The following PNPLA1 variants were observed in gnomAD, a reference collection of about 807,000 sequenced individuals.
PNPLA1 encodes the protein patatin like domain 1, omega-hydroxyceramide transacylase.
In PNPLA1, 36 loss-of-function variants were observed where a neutral mutation model predicts 51.7. The observed-to-expected ratio is 0.70, with a 90% confidence interval of 0.53 to 0.92. PNPLA1 has a LOEUF of 0.92. PNPLA1 is among the 40% of genes least tolerant of loss of function. PNPLA1 has a pLI of 0.00. For synonymous variants in PNPLA1, 293 were observed against 280.1 expected (o/e 1.05, Z -0.46); for missense variants, 658 against 682.5 (o/e 0.96, Z 0.40).
chr6:36,269,260 C>T (rs545880269), upstream of PNPLA1, among the ~76,000 whole-genome samples: 11 of 152,260 alleles, frequency 7.2e-5, no homozygotes, highest in South Asian at 6.2e-4. Flanking sequence ...TTGAGGGGAG[C>T]GGGAGACGCC....
rs757272683 is a variant in PNPLA1 at position 36,302,510 on chromosome 6, G to C, written c.1384+41G>C. 7.3e-6 allele frequency: 11 copies of C among 1,512,322 alleles called. No individual in the cohort carries two copies. In the Admixed American group the frequency reaches 1.8e-4, roughly 25 times the overall value. The allele number at this position is 1,512,322 out of a possible 1,614,324, so 93.7% of individuals were successfully genotyped here. ...GCTTGTTATGACTTTCTCATGCCTG[G>C]AGCCCCTTGGCAAGCGAGCAAGGAC... On this transcript the variant is annotated intron_variant, in intron 6 of 8. Transcript: ENST00000636260.
At chr6:36,255,795 C>T (rs1463175630) in intron 1 of PNPLA1, among the ~76,000 whole-genome samples, 1 of 151,956 alleles carries the variant, frequency 6.6e-6, no homozygotes, top group Non-Finnish European at 1.5e-5. Flanking sequence ...GTAGTTTTTT[C>T]TTTAATAACA....
rs142765731 is a variant in PNPLA1, at chr6:36,284,057, C to G, written c.206-7263C>G. ...TCTGCCTGTTTCACCTCAGGGTGATCAGTAAGAACCTGCAGTGGGATGTTG... is the reference window on the plus strand; with the variant it reads ...TCTGCCTGTTTCACCTCAGGGTGATGAGTAAGAACCTGCAGTGGGATGTTG... On this transcript the variant is annotated intron_variant, in intron 1 of 8. Coordinates refer to ENST00000636260, the MANE Select transcript of PNPLA1 (RefSeq NM_001374623.1). Among the ~76,000 whole-genome samples the G allele has an allele frequency of 6.9e-3, 1,057 of 152,298 alleles. 4 individuals are homozygous for G. Among genetic ancestry groups the G allele is most frequent in the Non-Finnish European group, 0.01 (691 of 68,022 alleles).
intron 3 of PNPLA1, among the ~76,000 whole-genome samples, chr6:36,293,743 A>G (rs1271387482): frequency 6.6e-6 from 1 of 152,240 alleles, no homozygotes; most frequent in Non-Finnish European, 1.5e-5. Flanking sequence ...CATGTCAGCC[A>G]GCCCTGAGAG....
chr6:36,268,869 A>G (rs1270443580), upstream of PNPLA1, among the ~76,000 whole-genome samples: 8 of 152,144 alleles, frequency 5.3e-5, no homozygotes, highest in Non-Finnish European at 1.0e-4. Flanking sequence ...GGAAGGGGGC[A>G]GGGTCTCTGC....
intron 3 of PNPLA1, among the ~76,000 whole-genome samples, chr6:36,293,492 G>T (rs1770755413): frequency 1.3e-5 from 2 of 152,238 alleles, no homozygotes; most frequent in Non-Finnish European, 2.9e-5. Context: ...GGGCCTTACA[G>T]ACTTTAATGT....
At chr6:36,282,860 T>G (rs981512752) in intron 1 of PNPLA1, among the ~76,000 whole-genome samples, 1 of 152,166 alleles carries the variant, frequency 6.6e-6, no homozygotes, top group South Asian at 2.1e-4. Context: ...AATTTTTGTA[T>G]TTTTAGTAGA....
At position 36,307,595 on chromosome 6, in the gene PNPLA1, C is replaced by G. The variant is rs1475774329; in HGVS notation, c.1478C>G (p.Pro493Arg). ...TTAATCTCTTTGCCTAGGGAGAGCC[C>G]TGCTGAAGACTCAAACTGGGTGAAT... ...TVSKPYVTESPAEDSNWVNKV... is the reference protein window; with the variant it reads ...TVSKPYVTESRAEDSNWVNKV... Residue 493 changes from proline to arginine, a missense_variant, in exon 8 of 9, where the codon CCT becomes CGT. Physicochemically the swap from Pro to Arg is moderately radical, Grantham distance 103 (BLOSUM62 -2). Coordinates refer to ENST00000636260, the MANE Select transcript of PNPLA1 (RefSeq NM_001374623.1). 4 of 1,613,296 alleles carry G rather than the reference C, an allele frequency of 2.5e-6. No homozygotes were observed. In the African/African-American group the frequency reaches 5.3e-5, roughly 22 times the overall value.
At chr6:36,296,246 A>T (rs549287439) in intron 5 of PNPLA1, among the ~76,000 whole-genome samples, 1 of 152,284 alleles carries the variant, frequency 6.6e-6, no homozygotes, top group African/African-American at 2.4e-5. Context: ...ACTGTACTCT[A>T]CTCTGGGCAA....
At chr6:36,305,412 A>C (rs1771199847) in intron 6 of PNPLA1, among the ~76,000 whole-genome samples, 1 of 152,218 alleles carries the variant, frequency 6.6e-6, no homozygotes, top group South Asian at 2.1e-4. Flanking sequence ...GACAAGCCTC[A>C]TTGTGAATAG....
chr6:36,303,998 G>T (rs1267245638), intron 6 of PNPLA1, among the ~76,000 whole-genome samples: 2 of 152,204 alleles, frequency 1.3e-5, no homozygotes, highest in Non-Finnish European at 2.9e-5. Context: ...ATCGTGGTTT[G>T]TGGGATTGGA....
chr6:36,305,542 A>G (rs1771204352), intron 6 of PNPLA1, among the ~76,000 whole-genome samples: 1 of 152,080 alleles, frequency 6.6e-6, no homozygotes, highest in Admixed American at 6.6e-5. Flanking sequence ...ACCTTCATGT[A>G]TTATGTATCC....
At chr6:36,256,959 G>A (rs964346351) in intron 1 of PNPLA1, among the ~76,000 whole-genome samples, 2 of 152,188 alleles carry the variant, frequency 1.3e-5, no homozygotes, top group African/African-American at 4.8e-5. Flanking sequence ...TAGAAGAAGA[G>A]TAAATGATTT....
chr6:36,307,626 C>T lies in PNPLA1; in HGVS notation c.1509C>T (p.Val503=), dbSNP rs1462848241. ...PAEDSNWVNK[V]FKKNKQKTSG... ...AAGACTCAAACTGGGTGAATAAGGT[C>T]TTCAAGAAGAACAAGCAAAAGACAA... The change falls in exon 8 of 9, where the codon GTC becomes GTT. Residue 503 remains valine (V), a synonymous_variant. Transcript: ENST00000636260. 7 of 1,613,692 alleles carry T rather than the reference C, an allele frequency of 4.3e-6. No homozygotes were observed. Among genetic ancestry groups the T allele is most frequent in the Non-Finnish European group, 5.9e-6 (7 of 1,179,950 alleles).
At position 36,282,157 on chromosome 6, in the gene PNPLA1, GAGAA is replaced by G. The variant is rs148912615; in HGVS notation, c.206-9151_206-9148del. ...GGAAGGAAAGAGAGACAGAGAGAGA[GAGAA>G]AGAAAGAAAGAGACAGAGAGAAAGA... On this transcript the variant is annotated intron_variant, in intron 1 of 8. Transcript: ENST00000636260. Among the ~76,000 whole-genome samples, 933 of 133,478 alleles carry G rather than the reference GAGAA, an allele frequency of 7.0e-3. 14 individuals are homozygous for G. Among genetic ancestry groups the G allele is most frequent in the African/African-American group, 0.023 (836 of 36,468 alleles). 87.6% of individuals were successfully genotyped at this position (133,478 alleles called of 152,430 possible). A position where few individuals can be genotyped will look rare whatever the true frequency, so the allele number is the denominator to read the frequency against.
upstream of PNPLA1, among the ~76,000 whole-genome samples, chr6:36,266,482 G>A (rs11759812): frequency 0.11 from 17,394 of 152,168 alleles, 1,161 homozygotes; most frequent in Middle Eastern, 0.2. Context: ...GGGTCTCCCT[G>A]TGTGCCTTTT....
chr6:36,277,564 C>T (rs1770143776), intron 1 of PNPLA1, among the ~76,000 whole-genome samples: 1 of 152,232 alleles, frequency 6.6e-6, no homozygotes, highest in South Asian at 2.1e-4. Context: ...AAAACCATGA[C>T]TTCCTAATCA....
intron 5 of PNPLA1, among the ~76,000 whole-genome samples, chr6:36,299,342 T>G (rs1483366831): frequency 4.7e-5 from 7 of 149,134 alleles, no homozygotes; most frequent in East Asian, 3.9e-4. Flanking sequence ...TCTGTTTTTT[T>G]TTTTTTTTTT....
chr6:36,267,158 G>A (rs1477188022), upstream of PNPLA1, among the ~76,000 whole-genome samples: 1 of 152,216 alleles, frequency 6.6e-6, no homozygotes, highest in East Asian at 1.9e-4. Flanking sequence ...CACCTGCAAA[G>A]ATCATGAGAT....
Sources: gnomAD v4.1 joint callset for allele counts (sites outside exome capture counted in the v4.1 genomes callset) on GRCh38, gnomAD v4.1.1 for gene constraint, MANE v1.5 for transcripts, NCBI Gene and HGNC (gene_info 2026-07-23, HGNC 2026-07-21) for gene names.